The following UST variants were observed in gnomAD, a reference collection of about 807,000 sequenced individuals.
UST encodes uronyl 2-sulfotransferase.
In UST, 21 loss-of-function variants were observed where a neutral mutation model predicts 45.6. That is an observed-to-expected ratio of 0.46 (90% CI 0.33 to 0.66). UST has a LOEUF of 0.66. UST is among the 30% of genes least tolerant of loss of function. UST has a pLI of 0.02. For missense variants in UST, 463 were observed against 512.4 expected (o/e 0.90, Z 0.93); for synonymous variants, 215 against 200.6 (o/e 1.07, Z -0.61).
chr6:148,931,518 A>G (rs781389153), intron 2 of UST, among the ~76,000 whole-genome samples: 35 of 152,342 alleles, frequency 2.3e-4, no homozygotes, highest in Non-Finnish European at 4.6e-4. Context: ...TAAAAAGCCA[A>G]TCGAATTGAT....
intron 1 of UST, among the ~76,000 whole-genome samples, chr6:148,826,124 T>G (rs1352242606): frequency 6.6e-6 from 1 of 152,310 alleles, no homozygotes; most frequent in East Asian, 1.9e-4. Context: ...TGTTTTGTTT[T>G]GTTTTGAAAT....
chr6:148,975,513 T>G (rs1312612922), intron 5 of UST, among the ~76,000 whole-genome samples: 1 of 152,236 alleles, frequency 6.6e-6, no homozygotes, highest in Non-Finnish European at 1.5e-5. Flanking sequence ...GTGTCCAGTG[T>G]GTATCTGACT....
At chr6:148,943,718 G>T (rs1472938842) in intron 3 of UST, among the ~76,000 whole-genome samples, 1 of 152,168 alleles carries the variant, frequency 6.6e-6, no homozygotes, top group Non-Finnish European at 1.5e-5. Context: ...CATAATCTGT[G>T]TATTGTGTAG....
chr6:148,862,622 G>T (rs946390179), intron 1 of UST, among the ~76,000 whole-genome samples: 2 of 152,206 alleles, frequency 1.3e-5, no homozygotes, highest in African/African-American at 4.8e-5. Context: ...GCATGTTTTT[G>T]CAGTGGCTGG....
At chr6:148,813,196 A>G (rs6570905) in intron 1 of UST, among the ~76,000 whole-genome samples, 114,997 of 152,082 alleles carry the variant, frequency 0.76, 44,467 homozygotes, top group East Asian at 0.99. Flanking sequence ...AGTTGCTAGC[A>G]AAATTCCAGT....
chr6:149,063,942 A>T (rs1357395468), intron 7 of UST, among the ~76,000 whole-genome samples: 1 of 152,226 alleles, frequency 6.6e-6, no homozygotes, highest in Non-Finnish European at 1.5e-5. Flanking sequence ...GAGGCCTCCT[A>T]AAAGTTTTCC....
At chr6:149,064,392 G>A (rs920263936) in intron 7 of UST, among the ~76,000 whole-genome samples, 3 of 152,170 alleles carry the variant, frequency 2.0e-5, no homozygotes, top group African/African-American at 7.2e-5. Flanking sequence ...ACAGCACTGG[G>A]AGCTTTATAA....
At chr6:148,953,974 G>A (rs774065245) in intron 4 of UST, 23 bp downstream of exon 4, 10 of 1,557,174 alleles carry the variant, frequency 6.4e-6, no homozygotes, top group South Asian at 1.2e-5. Flanking sequence ...CCAGTTTAAT[G>A]GTTCTTTCAT....
At chr6:148,789,726 C>G (rs747021272) in intron 1 of UST, among the ~76,000 whole-genome samples, 3 of 151,728 alleles carry the variant, frequency 2.0e-5, no homozygotes, top group Non-Finnish European at 4.4e-5. Flanking sequence ...AATTCAGCCT[C>G]TCCTGGAATT....
At chr6:148,946,966 G>A (rs1180382197) in intron 3 of UST, among the ~76,000 whole-genome samples, 1 of 150,866 alleles carries the variant, frequency 6.6e-6, no homozygotes, top group East Asian at 1.9e-4. Flanking sequence ...AGATATTAGT[G>A]CACCCTATTT....
rs141704501 is a variant in UST at position 149,032,419 on chromosome 6, C to T, written c.937+10938C>T. On this transcript the variant is annotated intron_variant, in intron 7 of 7. Coordinates refer to ENST00000367463, the MANE Select transcript of UST (RefSeq NM_005715.3). ...GCTCCTGCTGGCCCCATGTGCCTCG[C>T]ACCGAATACAGGAGGTCGCACACTG... is the stretch of plus-strand genomic sequence containing the variant. 2.8e-3 allele frequency: 434 copies of T among 153,410 alleles called. 3 individuals are homozygous for T. Among genetic ancestry groups the T allele is most frequent in the Admixed American group, 5.0e-3 (77 of 15,316 alleles). 9.5% of individuals were successfully genotyped at this position (153,410 alleles called of 1,614,324 possible).
At chr6:148,833,228 C>A (rs1472816012) in intron 1 of UST, among the ~76,000 whole-genome samples, 2 of 152,212 alleles carry the variant, frequency 1.3e-5, no homozygotes, top group African/African-American at 4.8e-5. Flanking sequence ...TGGCTCATGC[C>A]TGTAATCTCA....
intron 1 of UST, among the ~76,000 whole-genome samples, chr6:148,831,627 A>G (rs900079411): frequency 1.3e-5 from 2 of 152,114 alleles, no homozygotes; most frequent in African/African-American, 4.8e-5. Flanking sequence ...GTTATCCCCT[A>G]TTTTAAAAAT....
chr6:148,777,523 AT>A (rs1776558557), intron 1 of UST, among the ~76,000 whole-genome samples: 1 of 152,092 alleles, frequency 6.6e-6, no homozygotes, highest in Non-Finnish European at 1.5e-5. Context: ...ATAATACTCT[AT>A]TTTTACTGTA....
chr6:148,751,435 A>G (rs1407139606), intron 1 of UST, among the ~76,000 whole-genome samples: 2 of 152,160 alleles, frequency 1.3e-5, no homozygotes, highest in Admixed American at 1.3e-4. Context: ...GTGGGGAAGG[A>G]CGAGAACAGA....
intron 2 of UST, among the ~76,000 whole-genome samples, chr6:148,911,968 G>A (rs137994895): frequency 0.027 from 4,138 of 152,214 alleles, 178 homozygotes; most frequent in African/African-American, 0.091. Flanking sequence ...AGACTAAGGG[G>A]GGCAGATCAC....
Position 148,867,802 on chromosome 6 carries a change from G to A in UST, c.248-19184G>A, listed in dbSNP as rs144720167. Among the ~76,000 whole-genome samples, 522 of 152,270 alleles carry A rather than the reference G, an allele frequency of 3.4e-3. 1 individual carries two copies. The highest frequency in any genetic ancestry group is 0.012 in the African/African-American group (484 of 41,558). ...TCAGGTATGTCTTTATCAGCACCAT[G>A]AGAACAGACTAATACACACTTGTTT... On this transcript the variant is annotated intron_variant, in intron 1 of 7. Coordinates refer to ENST00000367463, the MANE Select transcript of UST (RefSeq NM_005715.3).
At chr6:148,973,733 T>A (rs551962778) in intron 5 of UST, among the ~76,000 whole-genome samples, 17 of 152,232 alleles carry the variant, frequency 1.1e-4, no homozygotes, top group Non-Finnish European at 2.1e-4. Flanking sequence ...CTGTTTTACA[T>A]ACACAGTATA....
At chr6:149,035,169 G>A (rs960328175) in intron 7 of UST, among the ~76,000 whole-genome samples, 1 of 151,846 alleles carries the variant, frequency 6.6e-6, no homozygotes, top group Non-Finnish European at 1.5e-5. Flanking sequence ...TTTTTTCTCT[G>A]GAAGAGTTCC....
Sources: gnomAD v4.1 joint callset for allele counts (sites outside exome capture counted in the v4.1 genomes callset) on GRCh38, gnomAD v4.1.1 for gene constraint, MANE v1.5 for transcripts, NCBI Gene and HGNC (gene_info 2026-07-23, HGNC 2026-07-21) for gene names.